The following DPF3 variants were observed in gnomAD, a reference collection of about 807,000 sequenced individuals.
DPF3 encodes zinc finger protein DPF3.
DPF3 carries 18 observed loss-of-function variants against 56.8 expected under a neutral mutation model. The ratio of observed to expected loss-of-function variants is 0.32; its 90% CI spans 0.22 to 0.47. DPF3 has a LOEUF of 0.47. Among genes scored for constraint, DPF3 ranks in the 20% least tolerant of loss-of-function variants. The pLI is 1.00. For synonymous variants in DPF3, 188 were observed against 180.2 expected (o/e 1.04, Z -0.35); for missense variants, 403 against 488.8 (o/e 0.82, Z 1.65).
At chr14:72,877,730 T>C (rs1289657283) in intron 1 of DPF3, among the ~76,000 whole-genome samples, 1 of 152,190 alleles carries the variant, frequency 6.6e-6, no homozygotes, top group Non-Finnish European at 1.5e-5. Flanking sequence ...TGAGGAACTA[T>C]GAGAACTTCC....
At chr14:72,681,022 C>T (rs1420714861) in intron 7 of DPF3, among the ~76,000 whole-genome samples, 1 of 152,214 alleles carries the variant, frequency 6.6e-6, no homozygotes, top group South Asian at 2.1e-4. Flanking sequence ...GCCTGTTACC[C>T]ATGTGCTACC....
chr14:72,674,466 A>C, intron 7 of DPF3, 98 bp from the exon 8 acceptor site: 1 of 1,469,448 alleles, frequency 6.8e-7, no homozygotes, highest in Non-Finnish European at 9.0e-7. Context: ...CTCCAGAAGG[A>C]ATCTGAGGTT....
chr14:72,609,102 G>C lies in DPF3; in HGVS notation c.*10195C>G, dbSNP rs1402705602. ...AGACAAAAGATTCACTACGTGGGTA[G>C]TCAACATTGCTAACCAATCACAGAA... On this transcript the variant is annotated 3_prime_UTR_variant, in exon 11 of 11. Coordinates refer to ENST00000556509, the MANE Select transcript of DPF3 (RefSeq NM_001280542.3). 1.3e-5 allele frequency among the ~76,000 whole-genome samples: 2 copies of C among 152,228 alleles called. No homozygotes were observed. Among genetic ancestry groups the C allele is most frequent in the African/African-American group, 4.8e-5 (2 of 41,452 alleles).
chr14:72,765,753 C>T (rs1395852321), intron 2 of DPF3, among the ~76,000 whole-genome samples: 1 of 152,178 alleles, frequency 6.6e-6, no homozygotes, highest in Non-Finnish European at 1.5e-5. Context: ...CGAGACCATC[C>T]TGGCTAACAC....
At chr14:72,795,372 A>T (rs1164842936) in intron 1 of DPF3, among the ~76,000 whole-genome samples, 1 of 150,476 alleles carries the variant, frequency 6.6e-6, no homozygotes, top group Non-Finnish European at 1.5e-5. Context: ...TCTGGGTTCA[A>T]ATCTAAGCTT....
intron 1 of DPF3, among the ~76,000 whole-genome samples, chr14:72,812,139 G>A (rs575647292): frequency 4.3e-4 from 65 of 152,200 alleles, no homozygotes; most frequent in African/African-American, 1.6e-3. Context: ...CAAAGTGGCT[G>A]CAGCACCATG....
chr14:72,804,383 T>C (rs1323724075), intron 1 of DPF3, among the ~76,000 whole-genome samples: 2 of 152,174 alleles, frequency 1.3e-5, no homozygotes, highest in Non-Finnish European at 2.9e-5. Context: ...CAAGGCATTA[T>C]GTGAACACTG....
At position 72,731,611 on chromosome 14, in the gene DPF3, G is replaced by A. The variant is rs1889648988; in HGVS notation, c.429+196C>T. On this transcript the variant is annotated intron_variant, in intron 4 of 10. Coordinates refer to ENST00000556509, the MANE Select transcript of DPF3 (RefSeq NM_001280542.3). Reference sequence around the variant, plus strand: ...GAGAGGGAAGGGAACCGAGGTGAAGGCAATAATGACTCCTTCGGAAGATAG... The same window carrying A: ...GAGAGGGAAGGGAACCGAGGTGAAGACAATAATGACTCCTTCGGAAGATAG... The A allele has an allele frequency of 4.5e-6, 3 of 667,760 alleles. No homozygotes were observed. The East Asian group carries it at 8.8e-5, about 20-fold the overall frequency. The allele number at this position is 667,760 out of a possible 1,614,324, so 41.4% of individuals were successfully genotyped here.
intron 1 of DPF3, among the ~76,000 whole-genome samples, chr14:72,834,919 A>G (rs1437865196): frequency 6.6e-6 from 1 of 152,218 alleles, no homozygotes; most frequent in African/African-American, 2.4e-5. Flanking sequence ...CGCTGAAAAC[A>G]TTATGCTGAG....
intron 8 of DPF3, among the ~76,000 whole-genome samples, chr14:72,647,911 C>T (rs722945): frequency 0.34 from 52,258 of 152,046 alleles, 10,555 homozygotes; most frequent in African/African-American, 0.57. Flanking sequence ...CTCCAGTCCA[C>T]GGACAGTACC....
chr14:72,746,877 G>A (rs567435566), intron 3 of DPF3, among the ~76,000 whole-genome samples: 57 of 152,372 alleles, frequency 3.7e-4, no homozygotes, highest in African/African-American at 1.3e-3. Flanking sequence ...GCTAGCCCTA[G>A]GTTCTTCCTT....
intron 1 of DPF3, among the ~76,000 whole-genome samples, chr14:72,842,892 A>G (rs1884606336): frequency 6.6e-6 from 1 of 152,092 alleles, no homozygotes; most frequent in Non-Finnish European, 1.5e-5. Context: ...GCGTGGTGGC[A>G]GACGCTTGTT....
At chr14:72,626,074 A>G (rs1017968754) in intron 9 of DPF3, among the ~76,000 whole-genome samples, 2 of 152,200 alleles carry the variant, frequency 1.3e-5, no homozygotes, top group Non-Finnish European at 2.9e-5. Context: ...TCTTCGGTAT[A>G]GTTACATTAT....
rs1599399883 is a variant in DPF3, at chr14:72,741,185, T to C, written c.302-9251A>G. Among the ~76,000 whole-genome samples, 3 of 152,214 alleles carry C rather than the reference T, an allele frequency of 2.0e-5. No homozygotes were observed. In the South Asian group the frequency reaches 6.2e-4, roughly 32 times the overall value. ...TCGGTGTTGGGGACGGGAACTGTGTTGCAGAGACCCACCCAGCAGTGCAGT... is the reference window on the plus strand; with the variant it reads ...TCGGTGTTGGGGACGGGAACTGTGTCGCAGAGACCCACCCAGCAGTGCAGT... On this transcript the variant is annotated intron_variant, in intron 3 of 10. Transcript: ENST00000556509.
At chr14:72,701,911 A>C (rs1888179659) in intron 6 of DPF3, among the ~76,000 whole-genome samples, 1 of 152,076 alleles carries the variant, frequency 6.6e-6, no homozygotes, top group East Asian at 1.9e-4. Flanking sequence ...GGACTTCCTC[A>C]TCTGTCACCC....
At chr14:72,848,138 T>G (rs1254576032) in intron 1 of DPF3, among the ~76,000 whole-genome samples, 1 of 152,140 alleles carries the variant, frequency 6.6e-6, no homozygotes, top group Admixed American at 6.5e-5. Context: ...TAAACTTCTG[T>G]CTTATTTAGC....
chr14:72,640,128 A>G (rs1013778787), intron 8 of DPF3, among the ~76,000 whole-genome samples: 1 of 150,664 alleles, frequency 6.6e-6, no homozygotes, highest in Non-Finnish European at 1.5e-5. Context: ...TATAAGGTGC[A>G]TGGTCCACTC....
At chr14:72,650,534 C>T (rs771115723) in intron 8 of DPF3, among the ~76,000 whole-genome samples, 1 of 152,168 alleles carries the variant, frequency 6.6e-6, no homozygotes, top group Non-Finnish European at 1.5e-5. Flanking sequence ...TAGACAAGCT[C>T]TAGGGTCTTT....
intron 1 of DPF3, among the ~76,000 whole-genome samples, chr14:72,822,007 G>GA (rs1883568197): frequency 1.3e-5 from 2 of 151,614 alleles, no homozygotes; most frequent in African/African-American, 4.8e-5. Context: ...ATCTTGTATT[G>GA]AAAAAAAGAG....
Sources: allele counts gnomAD v4.1 joint callset (sites outside exome capture counted in the v4.1 genomes callset), GRCh38; gene constraint gnomAD v4.1.1; transcripts MANE v1.5; gene names NCBI Gene and HGNC (gene_info 2026-07-23, HGNC 2026-07-21).